Variants in RNF169 observed in about 807,000 individuals in gnomAD.
RNF169 encodes the protein ring finger protein 169.
In RNF169, 24 loss-of-function variants were observed where a neutral mutation model predicts 53.9. The ratio of observed to expected loss-of-function variants is 0.45; its 90% confidence interval spans 0.32 to 0.63. The LOEUF (loss-of-function observed/expected upper bound fraction) is 0.63, where lower values mean the gene tolerates loss of function less well. RNF169 is among the 20% of genes least tolerant of loss of function. The pLI is 0.04. For synonymous variants in RNF169, 396 were observed against 363.5 expected (o/e 1.09, Z -1.02); for missense variants, 883 against 906.2 (o/e 0.97, Z 0.33).
chr11:74,822,963 C>T (rs2036036808), intron 4 of RNF169, among the ~76,000 whole-genome samples: 1 of 152,110 alleles, frequency 6.6e-6, no homozygotes. Context: ...CTTACCGCCT[C>T]CATTTTTTTT....
rs199646929 is a variant in RNF169 at position 74,835,857 on chromosome 11, G to A, written c.1254G>A (p.Leu418=). The A allele has an allele frequency of 5.6e-4, 910 of 1,614,152 alleles. 4 individuals carry two copies. Among genetic ancestry groups the A allele is most frequent in the Non-Finnish European group, 2.1e-4 (243 of 1,180,026 alleles). The change falls in exon 6 of 6, where the codon CTG becomes CTA. Residue 418 remains leucine, a synonymous_variant. Coordinates refer to ENST00000299563, the MANE Select transcript of RNF169 (RefSeq NM_001098638.2). ...CTCCACGCAACCTAAACAGAAGCCT[G>A]CAGAAGCAGACTTCTTATGAGGCCA... ...KSTPRNLNRS[L]QKQTSYEASP...
intron 2 of RNF169, among the ~76,000 whole-genome samples, chr11:74,801,027 A>G (rs912001746): frequency 6.6e-6 from 1 of 152,236 alleles, no homozygotes; most frequent in Admixed American, 6.5e-5. Context: ...CATAAGAAGA[A>G]AATTGGTAAA....
chr11:74,768,702 G>T lies in RNF169; in HGVS notation c.502+19320G>T, dbSNP rs865843596. ...CTCTATGAAAATGGAGTAGAGAAAG[G>T]CTTTCAAACAAACAAAAAATGTAAA... On this transcript the variant is annotated intron_variant, in intron 1 of 5. Coordinates refer to ENST00000299563, the MANE Select transcript of RNF169 (RefSeq NM_001098638.2). 2.0e-5 allele frequency among the ~76,000 whole-genome samples: 3 copies of T among 151,944 alleles called. No homozygotes were observed. The South Asian group carries it at 6.2e-4, about 32-fold the overall frequency.
Position 74,836,809 on chromosome 11 carries a change from T to C in RNF169, c.*79T>C, listed in dbSNP as rs930417036. On this transcript the variant is annotated 3_prime_UTR_variant, in exon 6 of 6. Transcript: ENST00000299563. ...CCTGAAGAGCTGAGTGTTCTCACTT[T>C]GGTTTTATTTTAATGGCAAAACACT... is the stretch of plus-strand genomic sequence containing the variant. 1.7e-6 allele frequency: 2 copies of C among 1,152,000 alleles called. No individual in the cohort carries two copies. Among genetic ancestry groups the C allele is most frequent in the African/African-American group, 1.5e-5 (1 of 64,698 alleles). The allele number at this position is 1,152,000 out of a possible 1,614,324, so 71.4% of individuals were successfully genotyped here.
Position 74,838,400 on chromosome 11 carries a change from T to C in RNF169, c.*1670T>C, listed in dbSNP as rs1032064028. ...CTAGCCAGCAGCTATTTGAAGCCTC[T>C]GGGAAAGAAGGTGGCTTATCAAGTG... On this transcript the variant is annotated 3_prime_UTR_variant, in exon 6 of 6. Transcript: ENST00000299563. 2 of 152,228 alleles carry C rather than the reference T, an allele frequency of 1.3e-5. No homozygotes were observed. Among genetic ancestry groups the C allele is most frequent in the African/African-American group, 4.8e-5 (2 of 41,460 alleles). The allele number at this position is 152,228 out of a possible 1,614,324, so 9.4% of individuals were successfully genotyped here. A position where few individuals can be genotyped will look rare whatever the true frequency, so the allele number is the denominator to read the frequency against.
intron 2 of RNF169, among the ~76,000 whole-genome samples, chr11:74,800,973 A>G (rs1054870198): frequency 2.0e-5 from 3 of 152,232 alleles, no homozygotes; most frequent in South Asian, 2.1e-4. Flanking sequence ...AAATGCATGT[A>G]ATAATTTAAA....
chr11:74,835,821 C>T lies in RNF169; in HGVS notation c.1218C>T (p.Ile406=). ...ATGGCCGTGTGCTAAGTCCTCTCATCATCAAATCAACTCCACGCAACCTAA... is the reference window on the plus strand; with the variant it reads ...ATGGCCGTGTGCTAAGTCCTCTCATTATCAAATCAACTCCACGCAACCTAA... ...LPDGRVLSPL[I]IKSTPRNLNR... Residue 406 remains isoleucine (I), a synonymous_variant, in exon 6 of 6, where the codon ATC becomes ATT. Coordinates refer to ENST00000299563, the MANE Select transcript of RNF169 (RefSeq NM_001098638.2). 1 of 1,614,214 alleles carries T rather than the reference C, an allele frequency of 6.2e-7. No homozygotes were observed. The highest frequency in any genetic ancestry group is 8.5e-7 in the Non-Finnish European group (1 of 1,180,044).
chr11:74,790,824 C>T (rs568976139), intron 2 of RNF169, among the ~76,000 whole-genome samples: 1 of 152,254 alleles, frequency 6.6e-6, no homozygotes, highest in Non-Finnish European at 1.5e-5. Context: ...ATGCCAGGAA[C>T]TGCATAGCCC....
intron 1 of RNF169, among the ~76,000 whole-genome samples, chr11:74,771,618 T>A (rs536721621): frequency 1.3e-5 from 2 of 152,234 alleles, no homozygotes; most frequent in African/African-American, 4.8e-5. Context: ...GTGGGAGGAT[T>A]GCTTGAGCCC....
intron 1 of RNF169, among the ~76,000 whole-genome samples, chr11:74,783,207 G>A (rs1459359829): frequency 6.6e-6 from 1 of 151,562 alleles, no homozygotes; most frequent in Non-Finnish European, 1.5e-5. Flanking sequence ...ATGGTTTAAT[G>A]CAATTAGCAA....
At chr11:74,804,819 A>G (rs534077730) in intron 2 of RNF169, among the ~76,000 whole-genome samples, 4 of 152,338 alleles carry the variant, frequency 2.6e-5, no homozygotes, top group African/African-American at 9.6e-5. Flanking sequence ...GTATCTAACA[A>G]TGGACTTATA....
At chr11:74,764,963 G>A (rs1221302067) in intron 1 of RNF169, among the ~76,000 whole-genome samples, 1 of 152,106 alleles carries the variant, frequency 6.6e-6, no homozygotes, top group East Asian at 1.9e-4. Flanking sequence ...CCTAATCTTA[G>A]CACTTTGGGA....
intron 1 of RNF169, among the ~76,000 whole-genome samples, chr11:74,785,997 G>A (rs993787005): frequency 4.1e-5 from 6 of 146,538 alleles, no homozygotes; most frequent in Non-Finnish European, 7.4e-5. Context: ...CTGGAGTGCA[G>A]TGGCACGATC....
chr11:74,771,684 A>T (rs1163544403), intron 1 of RNF169, among the ~76,000 whole-genome samples: 1 of 152,322 alleles, frequency 6.6e-6, no homozygotes, highest in African/African-American at 2.4e-5. Flanking sequence ...AACCTGGGTG[A>T]CAGGGCAAGA....
At chr11:74,822,433 C>T (rs1438101195) in intron 4 of RNF169, among the ~76,000 whole-genome samples, 2 of 152,124 alleles carry the variant, frequency 1.3e-5, no homozygotes, top group East Asian at 3.9e-4. Context: ...GGTCTCTTGG[C>T]AGTGGAAATT....
intron 2 of RNF169, among the ~76,000 whole-genome samples, chr11:74,797,103 CAG>C (rs2035660492): frequency 6.6e-6 from 1 of 152,246 alleles, no homozygotes; most frequent in Admixed American, 6.5e-5. Flanking sequence ...AGTCCTTAGC[CAG>C]AGAACAGACT....
chr11:74,825,875 T>C (rs941317420), intron 4 of RNF169, among the ~76,000 whole-genome samples: 3 of 152,082 alleles, frequency 2.0e-5, no homozygotes, highest in Admixed American at 6.5e-5. Flanking sequence ...GACTAGGTAA[T>C]TTATAAAGAA....
rs151024329 is a variant in RNF169 at position 74,823,207 on chromosome 11, C to G, written c.842+5493C>G. 3.7e-4 allele frequency among the ~76,000 whole-genome samples: 57 copies of G among 152,266 alleles called. No individual in the cohort carries two copies. The East Asian group carries it at 8.3e-3, about 22-fold the overall frequency. On this transcript the variant is annotated intron_variant, in intron 4 of 5. Coordinates refer to ENST00000299563, the MANE Select transcript of RNF169 (RefSeq NM_001098638.2). The stretch of plus-strand genomic sequence containing the variant: ...CATGTTGCTAGAAGTACTGCTTGAT[C>G]TTTTCAGTAGTGCCATGGTAATAAA...
chr11:74,841,979 G>T lies in RNF169; in HGVS notation c.*5249G>T, dbSNP rs2036619756. The T allele has an allele frequency of 6.6e-6, 1 of 151,172 alleles. No homozygotes were observed. Among genetic ancestry groups the T allele is most frequent in the South Asian group, 2.1e-4 (1 of 4,804 alleles). The allele number at this position is 151,172 out of a possible 1,614,324, so 9.4% of individuals were successfully genotyped here. ...GTGAGAGAATAGATACTATGCAAGG[G>T]AAAAAAATTTAAATGCCAACGAATA... On this transcript the variant is annotated 3_prime_UTR_variant, in exon 6 of 6. Coordinates refer to ENST00000299563, the MANE Select transcript of RNF169 (RefSeq NM_001098638.2).
Sources: allele counts gnomAD v4.1 joint callset (sites outside exome capture counted in the v4.1 genomes callset), GRCh38; gene constraint gnomAD v4.1.1; transcripts MANE v1.5; gene names NCBI Gene and HGNC (gene_info 2026-07-23, HGNC 2026-07-21).